Variants in STAM2 observed in about 807,000 individuals in gnomAD.
STAM2 encodes signal transducing adaptor molecule 2.
In STAM2, 51 loss-of-function variants were observed where a neutral mutation model predicts 65.6. The observed-to-expected ratio is 0.78, with a 90% confidence interval of 0.62 to 0.98. The LOEUF (loss-of-function observed/expected upper bound fraction) is 0.98. Ranked by LOEUF, STAM2 falls within the 50% of genes least tolerant of loss-of-function variation. STAM2 has a pLI of 0.00. For synonymous variants in STAM2, 198 were observed against 208.4 expected, an observed-to-expected ratio of 0.95 and a Z score of 0.43; for missense variants, 584 against 617.8, an observed-to-expected ratio of 0.95 and a Z score of 0.58.
intron 1 of STAM2, among the ~76,000 whole-genome samples, chr2:152,152,757 T>C (rs1471554580): frequency 6.6e-6 from 1 of 152,154 alleles, no homozygotes; most frequent in Non-Finnish European, 1.5e-5. Context: ...CTATGGTACA[T>C]TCCCACCAGC....
intron 1 of STAM2, among the ~76,000 whole-genome samples, chr2:152,169,064 T>C (rs2002247): frequency 0.22 from 32,744 of 151,984 alleles, 3,753 homozygotes; most frequent in Admixed American, 0.3. Context: ...CACTCAGCCC[T>C]GAAGCCTTTC....
intron 1 of STAM2, among the ~76,000 whole-genome samples, chr2:152,152,525 G>C (rs2105553286): frequency 6.6e-6 from 1 of 151,878 alleles, no homozygotes; most frequent in Non-Finnish European, 1.5e-5. Context: ...CTCTAGCCTG[G>C]GTGACAGAGT....
intron 11 of STAM2, among the ~76,000 whole-genome samples, chr2:152,129,949 C>A (rs1689028377): frequency 6.6e-6 from 1 of 152,208 alleles, no homozygotes; most frequent in African/African-American, 2.4e-5. Context: ...TCTCTGGTGA[C>A]TAGGAAAAGT....
In STAM2 at chr2:152,123,243, G is replaced by A. The variant is rs192643086; in HGVS notation, c.1349+523C>T. On this transcript the variant is annotated intron_variant, in intron 13 of 13. Transcript: ENST00000263904. ...AAAAATTAGCTGGGCATGGTGGCGC[G>A]TGCCTGTAATCCCAGCTACTCAGGG... Among the ~76,000 whole-genome samples, 512 of 151,998 alleles carry A rather than the reference G, an allele frequency of 3.4e-3. 3 individuals carry two copies. The highest frequency in any genetic ancestry group is 0.012 in the African/African-American group (492 of 41,452).
intron 7 of STAM2, among the ~76,000 whole-genome samples, chr2:152,138,728 A>G (rs1579318239): frequency 6.6e-6 from 1 of 152,226 alleles, no homozygotes; most frequent in Non-Finnish European, 1.5e-5. Flanking sequence ...ATGTACTGAC[A>G]GTTCTAAGAT....
At chr2:152,156,161 AT>A (rs1689541648) in intron 1 of STAM2, among the ~76,000 whole-genome samples, 1 of 152,210 alleles carries the variant, frequency 6.6e-6, no homozygotes, top group Non-Finnish European at 1.5e-5. Context: ...AATTTTTAAA[AT>A]ATCTAATTAG....
intron 1 of STAM2, among the ~76,000 whole-genome samples, chr2:152,160,168 G>C (rs919770076): frequency 6.6e-6 from 1 of 152,128 alleles, no homozygotes; most frequent in African/African-American, 2.4e-5. Context: ...GGGAAGTGAG[G>C]AGCGTCTCTG....
intron 13 of STAM2, among the ~76,000 whole-genome samples, chr2:152,121,709 G>GT (rs1265840780): frequency 6.6e-6 from 1 of 152,092 alleles, no homozygotes; most frequent in African/African-American, 2.4e-5. Context: ...TGCAAGACTT[G>GT]TTTGTTCCTA....
intron 12 of STAM2, among the ~76,000 whole-genome samples, chr2:152,125,627 G>A (rs2105528917): frequency 6.6e-6 from 1 of 152,288 alleles, no homozygotes; most frequent in Non-Finnish European, 1.5e-5. Context: ...GTTCATGGAT[G>A]GCTTACGGAG....
At chr2:152,128,647 T>C (rs1038698328) in intron 11 of STAM2, among the ~76,000 whole-genome samples, 3 of 152,150 alleles carry the variant, frequency 2.0e-5, no homozygotes, top group Non-Finnish European at 2.9e-5. Context: ...CTTGATCAGG[T>C]GGTAGAAAAT....
intron 11 of STAM2, among the ~76,000 whole-genome samples, chr2:152,128,042 T>C (rs984630732): frequency 2.0e-5 from 3 of 152,152 alleles, no homozygotes; most frequent in African/African-American, 7.2e-5. Context: ...GTCTGTTATG[T>C]CTGAACTACA....
chr2:152,159,876 G>A (rs11883513), intron 1 of STAM2, among the ~76,000 whole-genome samples: 22,864 of 152,204 alleles, frequency 0.15, 2,637 homozygotes, highest in East Asian at 0.58. Context: ...TTGCAGGCGC[G>A]CGCCGCCACG....
intron 2 of STAM2, among the ~76,000 whole-genome samples, chr2:152,148,979 T>C (rs1330041857): frequency 2.6e-5 from 4 of 152,208 alleles, no homozygotes; most frequent in African/African-American, 7.2e-5. Flanking sequence ...AGTATAAACA[T>C]GTGAATGTAC....
intron 1 of STAM2, among the ~76,000 whole-genome samples, chr2:152,160,423 A>G (rs979931684): frequency 2.1e-5 from 3 of 144,894 alleles, no homozygotes; most frequent in African/African-American, 7.8e-5. Flanking sequence ...CGGCCGCCCC[A>G]TCTCAGAAGT....
chr2:152,124,087 G>A (rs995029275), intron 12 of STAM2, 152 bp from the exon 13 acceptor site: 1 of 632,598 alleles, frequency 1.6e-6, no homozygotes. Context: ...AACTAAAAGT[G>A]GAGAGCTGTC....
rs576505373 is a variant in STAM2, at chr2:152,132,101, C to T, written c.1025+13G>A. ...CAAAACTATACTTTTTATTCCTGCA[C>T]GAAAAATCTCACCTATCAATTTCTT... On this transcript the variant is annotated intron_variant, in intron 11 of 13. Transcript: ENST00000263904. 32 of 1,604,794 alleles carry T rather than the reference C, an allele frequency of 2.0e-5. 1 individual carries two copies. Among genetic ancestry groups the T allele is most frequent in the South Asian group, 7.7e-5 (7 of 90,576 alleles).
chr2:152,144,816 C>G (rs1163870964), intron 6 of STAM2, 72 bp downstream of exon 6: 1 of 1,311,534 alleles, frequency 7.6e-7, no homozygotes. Flanking sequence ...GGATTACAGG[C>G]GTGAGCCACC....
chr2:152,164,340 A>AC (rs1689738063), intron 1 of STAM2, among the ~76,000 whole-genome samples: 1 of 151,712 alleles, frequency 6.6e-6, no homozygotes, highest in African/African-American at 2.4e-5. Flanking sequence ...GCCATGATTA[A>AC]CTTTTTTTTT....
intron 1 of STAM2, among the ~76,000 whole-genome samples, chr2:152,161,017 G>A (rs563921971): frequency 2.6e-5 from 4 of 152,248 alleles, no homozygotes; most frequent in East Asian, 1.9e-4. Flanking sequence ...CTCATTGAGA[G>A]TGGGCCATGA....
Sources: gnomAD v4.1 joint callset for allele counts (sites outside exome capture counted in the v4.1 genomes callset) on GRCh38, gnomAD v4.1.1 for gene constraint, MANE v1.5 for transcripts, NCBI Gene and HGNC (gene_info 2026-07-23, HGNC 2026-07-21) for gene names.